Variants in IKZF2 observed in about 807,000 individuals in gnomAD.
The protein encoded by IKZF2 is zinc finger protein Helios.
A neutral mutation model predicts 49.2 loss-of-function variants in IKZF2; 15 were observed. The ratio of observed to expected loss-of-function variants is 0.30; its 90% CI spans 0.20 to 0.47. IKZF2 has a LOEUF of 0.47. Ranked by LOEUF, IKZF2 falls within the 20% of genes least tolerant of loss-of-function variation. The probability of loss-of-function intolerance (pLI) is 1.00; values close to 1 mark genes in which losing one functional copy is unlikely to be tolerated. For missense variants in IKZF2, 567 were observed against 664.6 expected (o/e 0.85, Z 1.61); for synonymous variants, 227 against 221.4 (o/e 1.03, Z -0.23).
intron 4 of IKZF2, among the ~76,000 whole-genome samples, chr2:213,076,359 T>G (rs1466929578): frequency 6.6e-6 from 1 of 152,084 alleles, no homozygotes; most frequent in Non-Finnish European, 1.5e-5. Flanking sequence ...ACATGTAATA[T>G]AAACAAGAGA....
chr2:213,091,257 ATGGAATTATTAAAC>A (rs1220490625), intron 4 of IKZF2, among the ~76,000 whole-genome samples: 9 of 152,294 alleles, frequency 5.9e-5, no homozygotes, highest in African/African-American at 1.4e-4. Context: ...TTTATTGTTG[ATGGAATTATTAAAC>A]TGGTAGTTTA....
chr2:213,124,169 C>CTGATTCAAGGATTATTTTCAG (rs1446584297), intron 4 of IKZF2, among the ~76,000 whole-genome samples: 1 of 151,380 alleles, frequency 6.6e-6, no homozygotes, highest in Non-Finnish European at 1.5e-5. Flanking sequence ...TTTTAAGTAA[C>CTGATTCAAGGATTATTTTCAG]TGATTCAAGG....
chr2:213,146,143 A>G (rs2061049689), intron 4 of IKZF2, among the ~76,000 whole-genome samples: 1 of 152,124 alleles, frequency 6.6e-6, no homozygotes, highest in African/African-American at 2.4e-5. Flanking sequence ...TAAAGCCAAT[A>G]GCTAACTAAT....
chr2:213,105,877 G>A (rs774394081), intron 4 of IKZF2, among the ~76,000 whole-genome samples: 23 of 152,054 alleles, frequency 1.5e-4, no homozygotes, highest in Non-Finnish European at 3.1e-4. Flanking sequence ...TTGTTATTTC[G>A]CTGTAATGTT....
intron 6 of IKZF2, among the ~76,000 whole-genome samples, chr2:213,038,052 G>C (rs566680855): frequency 2.7e-4 from 40 of 149,108 alleles, no homozygotes; most frequent in East Asian, 5.9e-4. Flanking sequence ...GTTTTGTTTT[G>C]TTTTCTTTTC....
intron 6 of IKZF2, among the ~76,000 whole-genome samples, chr2:213,033,893 T>C (rs1698741964): frequency 6.6e-6 from 1 of 152,196 alleles, no homozygotes; most frequent in Non-Finnish European, 1.5e-5. Context: ...TTCTCCTCTC[T>C]AGATGGCCTC....
At chr2:213,135,385 A>G (rs1315045767) in intron 4 of IKZF2, among the ~76,000 whole-genome samples, 2 of 152,176 alleles carry the variant, frequency 1.3e-5, no homozygotes, top group Non-Finnish European at 2.9e-5. Context: ...ATTATTTGGA[A>G]ATGCCACTGT....
At chr2:213,026,993 C>G (rs944270391) in intron 6 of IKZF2, among the ~76,000 whole-genome samples, 1 of 151,774 alleles carries the variant, frequency 6.6e-6, no homozygotes, top group Non-Finnish European at 1.5e-5. Flanking sequence ...TCAAATAGTC[C>G]CAAGTGGCAT....
intron 4 of IKZF2, among the ~76,000 whole-genome samples, chr2:213,099,655 C>A (rs1706423228): frequency 6.6e-6 from 1 of 152,094 alleles, no homozygotes; most frequent in African/African-American, 2.4e-5. Flanking sequence ...GTTATTACCT[C>A]CTCATTTAAA....
chr2:213,083,854 C>G (rs1250096218), intron 4 of IKZF2, among the ~76,000 whole-genome samples: 1 of 151,216 alleles, frequency 6.6e-6, no homozygotes, highest in Non-Finnish European at 1.5e-5. Flanking sequence ...CTTAGGACTC[C>G]ACAGATTCTA....
chr2:213,018,069 A>G (rs894401151), intron 7 of IKZF2, among the ~76,000 whole-genome samples: 2 of 152,158 alleles, frequency 1.3e-5, no homozygotes, highest in African/African-American at 4.8e-5. Flanking sequence ...CAATATATAT[A>G]GATTTTAAGC....
In IKZF2 at chr2:213,080,342, A is replaced by G. The variant is rs1352415348; in HGVS notation, c.140-23243T>C. ...TACTTTAAAATAATTTGGGAGGGAA[A>G]GTATTTTGGGATATGGAGGCACAAA... On this transcript the variant is annotated intron_variant, in intron 4 of 8. Coordinates refer to ENST00000434687, the MANE Select transcript of IKZF2 (RefSeq NM_001387220.1). Among the ~76,000 whole-genome samples the G allele has an allele frequency of 2.0e-5, 3 of 152,188 alleles. No homozygotes were observed. In the East Asian group the frequency reaches 5.8e-4, roughly 29 times the overall value.
intron 4 of IKZF2, among the ~76,000 whole-genome samples, chr2:213,141,367 C>T (rs995183431): frequency 5.3e-5 from 8 of 151,904 alleles, no homozygotes; most frequent in Non-Finnish European, 1.0e-4. Context: ...CTGAAGTCAC[C>T]TACTTCGTTA....
chr2:213,011,774 G>A (rs182908198), intron 8 of IKZF2, among the ~76,000 whole-genome samples: 17 of 143,092 alleles, frequency 1.2e-4, no homozygotes, highest in African/African-American at 2.0e-4. Context: ...TCATCAGCCT[G>A]TGGAATTTTC....
rs148265600 is a variant in IKZF2 at position 213,132,377 on chromosome 2, T to C, written c.139+15331A>G. On this transcript the variant is annotated intron_variant, in intron 4 of 8. Coordinates refer to ENST00000434687, the MANE Select transcript of IKZF2 (RefSeq NM_001387220.1). ...ATCGACTGTCCTGTGCCTATGACAA[T>C]AGTAACTCTGACCCAAAAAAGGTGA... 6.0e-3 allele frequency among the ~76,000 whole-genome samples: 906 copies of C among 151,074 alleles called. 14 individuals carry two copies. Among genetic ancestry groups the C allele is most frequent in the African/African-American group, 0.021 (875 of 41,120 alleles).
intron 4 of IKZF2, among the ~76,000 whole-genome samples, chr2:213,069,750 A>G (rs1215148961): frequency 4.6e-5 from 7 of 152,080 alleles, no homozygotes; most frequent in Non-Finnish European, 8.8e-5. Flanking sequence ...ACACCTTCAC[A>G]GTATAGCAAC....
intron 4 of IKZF2, among the ~76,000 whole-genome samples, chr2:213,100,598 C>T (rs4673725): frequency 0.86 from 131,388 of 151,926 alleles, 57,022 homozygotes; most frequent in African/African-American, 0.91. Flanking sequence ...TAATGTTGAT[C>T]TAATACAAAG....
intron 6 of IKZF2, among the ~76,000 whole-genome samples, chr2:213,033,147 C>T (rs148982750): frequency 3.7e-4 from 56 of 152,324 alleles, no homozygotes; most frequent in African/African-American, 1.3e-3. Context: ...AGCAACTCTT[C>T]ATCCATTCAC....
At chr2:213,102,308 T>C (rs1706780776) in intron 4 of IKZF2, among the ~76,000 whole-genome samples, 1 of 152,116 alleles carries the variant, frequency 6.6e-6, no homozygotes, top group Admixed American at 6.6e-5. Context: ...TTTATCCAGC[T>C]GGAGCAAAGG....
Sources: allele counts gnomAD v4.1 joint callset (sites outside exome capture counted in the v4.1 genomes callset), GRCh38; gene constraint gnomAD v4.1.1; transcripts MANE v1.5; gene names NCBI Gene and HGNC (gene_info 2026-07-23, HGNC 2026-07-21).